ZNF613: variants seen among roughly 807,000 people sequenced by gnomAD.
The protein encoded by ZNF613 is zinc finger protein 613.
A neutral mutation model predicts 14.3 loss-of-function variants in ZNF613; 8 were observed. That is an observed-to-expected ratio of 0.56 (90% confidence interval 0.33 to 1.01). The LOEUF is 1.01. Ranked by LOEUF, ZNF613 falls within the 50% of genes least tolerant of loss-of-function variation. The pLI is 0.03. For missense variants in ZNF613, 656 were observed against 741.9 expected, an observed-to-expected ratio of 0.88 and a Z score of 1.35; for synonymous variants, 228 against 254.5, an observed-to-expected ratio of 0.90 and a Z score of 0.99.
In ZNF613 at chr19:51,945,874, T is replaced by A; in HGVS notation, c.*137T>A. The A allele has an allele frequency of 2.2e-6, 2 of 894,774 alleles. No individual in the cohort carries two copies. The highest frequency in any genetic ancestry group is 3.3e-6 in the Non-Finnish European group (2 of 597,136). The allele number at this position is 894,774 out of a possible 1,614,324, so 55.4% of individuals were successfully genotyped here. A position where few individuals can be genotyped will look rare whatever the true frequency, so the allele number is the denominator to read the frequency against. Reference sequence around the variant, plus strand: ...TAAAACCTTATGGCTAATAAGCATATACTCAGAGAAAAATAGTATGAAGTG... The same window carrying A: ...TAAAACCTTATGGCTAATAAGCATAAACTCAGAGAAAAATAGTATGAAGTG... On this transcript the variant is annotated 3_prime_UTR_variant, in exon 6 of 6. Transcript: ENST00000293471.
intron 2 of ZNF613, among the ~76,000 whole-genome samples, chr19:51,932,935 C>A (rs1208112698): frequency 2.0e-5 from 3 of 152,138 alleles, no homozygotes; most frequent in African/African-American, 7.2e-5. Context: ...CTGCCTTGGC[C>A]TCCCAAAGTG....
At chr19:51,932,453 A>G (rs1259827195) in intron 2 of ZNF613, among the ~76,000 whole-genome samples, 1 of 151,422 alleles carries the variant, frequency 6.6e-6, no homozygotes, top group African/African-American at 2.4e-5. Flanking sequence ...ATGCGCCACC[A>G]TGCCTGGCTA....
In ZNF613 at chr19:51,945,236, A is replaced by T. The variant is rs1309119373; in HGVS notation, c.1353A>T (p.Thr451=). The T allele has an allele frequency of 1.9e-6, 3 of 1,614,194 alleles. No homozygotes were observed. In the East Asian group the frequency reaches 6.7e-5, roughly 36 times the overall value. The change falls in exon 6 of 6, where the codon ACA becomes ACT. Residue 451 remains threonine, a synonymous_variant. Coordinates refer to ENST00000293471, the MANE Select transcript of ZNF613 (RefSeq NM_001031721.4). The part of the protein sequence containing the change: ...TCLISHQRFH[T]GKTPFVCTEC... ...TAATATCCCATCAGAGATTTCACAC[A>T]GGAAAGACACCCTTTGTATGTACTG...
At chr19:51,931,201 C>T (rs1043100976) in intron 2 of ZNF613, among the ~76,000 whole-genome samples, 5 of 152,146 alleles carry the variant, frequency 3.3e-5, no homozygotes, top group African/African-American at 1.2e-4. Context: ...GCATGTGTCG[C>T]TATTTCCTTT....
rs777884652 is a variant in ZNF613, at chr19:51,945,549, T to C, written c.1666T>C (p.Leu556=). 6.2e-7 allele frequency: 1 copy of C among 1,614,174 alleles called. No individual in the cohort carries two copies. The highest frequency in any genetic ancestry group is 1.7e-5 in the Admixed American group (1 of 60,018). Residue 556 remains leucine (L), a synonymous_variant, in exon 6 of 6, where the codon TTA becomes CTA. Transcript: ENST00000293471. The part of the protein sequence containing the change: ...LENPCSESHS[L]SHTRDLIQDK... ...AAATCCTTGCTCAGAGAGTCATAGC[T>C]TATCACATACACGTGATCTCATACA...
intron 3 of ZNF613, among the ~76,000 whole-genome samples, chr19:51,939,617 A>C (rs2085331673): frequency 6.6e-6 from 1 of 152,216 alleles, no homozygotes; most frequent in African/African-American, 2.4e-5. Flanking sequence ...GGTGTGAGCC[A>C]CCATGCCTGG....
intron 5 of ZNF613, 131 bp from the exon 6 acceptor site, chr19:51,943,988 T>C (rs544014900): frequency 1.8e-6 from 1 of 563,418 alleles, no homozygotes; most frequent in Non-Finnish European, 2.8e-6. Context: ...CAAGTGACAA[T>C]AGGCATATCT....
chr19:51,936,359 T>G, intron 3 of ZNF613, 124 bp downstream of exon 3: 1 of 1,002,714 alleles, frequency 1.0e-6, no homozygotes, highest in Non-Finnish European at 1.4e-6. Flanking sequence ...ATCAGTAAAT[T>G]TAGATTGTAA....
In ZNF613 at chr19:51,936,216, A is replaced by C; in HGVS notation, c.-5A>C. The C allele has an allele frequency of 6.2e-7, 1 of 1,604,302 alleles. No individual in the cohort carries two copies. Among genetic ancestry groups the C allele is most frequent in the East Asian group, 2.3e-5 (1 of 44,374 alleles). On this transcript the variant is annotated 5_prime_UTR_variant, in exon 3 of 6. Coordinates refer to ENST00000293471, the MANE Select transcript of ZNF613 (RefSeq NM_001031721.4). ...TTACTGGCTATTTCCCAGTAACAAA[A>C]GAAAATGATCAAGTCCCAGGTGACT...
At chr19:51,944,053 A>C in intron 5 of ZNF613, 66 bp from the exon 6 acceptor site, 2 of 1,405,180 alleles carry the variant, frequency 1.4e-6, no homozygotes, top group South Asian at 3.1e-5. Flanking sequence ...CAGCCTGTAC[A>C]AGACTGTTTG....
chr19:51,945,129 C>T lies in ZNF613; in HGVS notation c.1246C>T (p.Leu416Phe). 1 of 1,614,090 alleles carries T rather than the reference C, an allele frequency of 6.2e-7. No homozygotes were observed. The highest frequency in any genetic ancestry group is 8.5e-7 in the Non-Finnish European group (1 of 1,179,992). Residue 416 changes from leucine to phenylalanine, a missense_variant, in exon 6 of 6, where the codon CTT becomes TTT. Transcript: ENST00000293471. ...AGGCTTCATCCAAAAGGGCAACCTC[C>T]TTATTCATCGACGTACTCACACTGG... is the stretch of plus-strand genomic sequence containing the variant. ...GKGFIQKGNL[L>F]IHRRTHTGEK...
intron 1 of ZNF613, among the ~76,000 whole-genome samples, chr19:51,928,322 T>C (rs561542797): frequency 3.2e-4 from 49 of 152,142 alleles, no homozygotes; most frequent in African/African-American, 1.2e-3. Context: ...TCTAAGGGGG[T>C]GTGACCATGT....
Position 51,945,305 on chromosome 19 carries a change from C to T in ZNF613, c.1422C>T (p.His474=). The T allele has an allele frequency of 2.5e-6, 4 of 1,613,674 alleles. No individual in the cohort carries two copies. The highest frequency in any genetic ancestry group is 3.4e-6 in the Non-Finnish European group (4 of 1,179,898). Reference sequence around the variant, plus strand: ...CACACAAGTCAGGTCTCATTAACCACCAGAGAATTCACACAGGAGAGAAAC... The same window carrying T: ...CACACAAGTCAGGTCTCATTAACCATCAGAGAATTCACACAGGAGAGAAAC... The part of the protein sequence containing the change: ...SCSHKSGLIN[H]QRIHTGEKPY... The change falls in exon 6 of 6, where the codon CAC becomes CAT. Residue 474 remains histidine, a synonymous_variant. Transcript: ENST00000293471.
At chr19:51,932,940 A>G (rs947218153) in intron 2 of ZNF613, among the ~76,000 whole-genome samples, 1 of 152,104 alleles carries the variant, frequency 6.6e-6, no homozygotes, top group Non-Finnish European at 1.5e-5. Context: ...TTGGCCTCCC[A>G]AAGTGCTAGG....
At position 51,944,784 on chromosome 19, in the gene ZNF613, T is replaced by C; in HGVS notation, c.901T>C (p.Ser301Pro). 1 of 1,605,490 alleles carries C rather than the reference T, an allele frequency of 6.2e-7. No homozygotes were observed. The highest frequency in any genetic ancestry group is 2.2e-5 in the East Asian group (1 of 44,452). ...TTGTGGAAAAGGCTTCATCAAGAAG[T>C]CTCGGCTCATTAATCATCAGAGAGT... ...SDCGKGFIKK[S>P]RLINHQRVHT... is the part of the protein sequence containing the mutation. The change falls in exon 6 of 6, where the codon TCT becomes CCT. Residue 301 changes from serine to proline, a missense_variant. Coordinates refer to ENST00000293471, the MANE Select transcript of ZNF613 (RefSeq NM_001031721.4).
chr19:51,932,056 G>A (rs904669560), intron 2 of ZNF613, among the ~76,000 whole-genome samples: 3 of 151,992 alleles, frequency 2.0e-5, no homozygotes, highest in African/African-American at 7.3e-5. Context: ...ATTGTCAGTC[G>A]GCCTTTTGGT....
intron 5 of ZNF613, chr19:51,942,950 G>A (rs1184023096): frequency 6.6e-6 from 1 of 152,202 alleles, no homozygotes; most frequent in Admixed American, 6.5e-5. Flanking sequence ...ACGTGCCTCG[G>A]CCTCCCAAAG....
At position 51,940,139 on chromosome 19, in the gene ZNF613, A is replaced by G. The variant is rs1179868871; in HGVS notation, c.16-70A>G. ...ACTATTTGGTAAAAATGAGCAGAAC[A>G]ATGTTCTTCACATTTCTTCCATATA... is the stretch of plus-strand genomic sequence containing the variant. On this transcript the variant is annotated intron_variant, in intron 3 of 5. Transcript: ENST00000293471. The G allele has an allele frequency of 1.9e-6, 3 of 1,581,232 alleles. No individual in the cohort carries two copies. In the African/African-American group the frequency reaches 4.0e-5, roughly 21 times the overall value.
rs1419466986 is a variant in ZNF613 at position 51,945,662 on chromosome 19, G to A, written c.1779G>A (p.Glu593=). ...TAACTAACAGTGCGTTCCAAGCAGA[G>A]AGCAAAGTAGCCATTGTGAGCCAGC... ...TSLTNSAFQA[E]SKVAIVSQPV... Residue 593 remains glutamate, a synonymous_variant, in exon 6 of 6, where the codon GAG becomes GAA. Coordinates refer to ENST00000293471, the MANE Select transcript of ZNF613 (RefSeq NM_001031721.4). 1.9e-6 allele frequency: 3 copies of A among 1,614,050 alleles called. No individual in the cohort carries two copies. In the African/African-American group the frequency reaches 4.0e-5, roughly 22 times the overall value.
Sources: allele counts gnomAD v4.1 joint callset (sites outside exome capture counted in the v4.1 genomes callset), GRCh38; gene constraint gnomAD v4.1.1; transcripts MANE v1.5; gene names NCBI Gene and HGNC (gene_info 2026-07-23, HGNC 2026-07-21).